Variants in MYOCOS observed in about 807,000 individuals in gnomAD.
MYOCOS encodes the protein myocilin opposite strand.
chr1:171,608,005 A>T (rs1652282102), intron 1 of MYOCOS, among the ~76,000 whole-genome samples: 1 of 152,238 alleles, frequency 6.6e-6, no homozygotes, highest in African/African-American at 2.4e-5. Flanking sequence ...GAGCCAAGTG[A>T]AAGGGGAAAC....
intron 2 of MYOCOS, among the ~76,000 whole-genome samples, chr1:171,616,710 G>A (rs1279783446): frequency 6.6e-6 from 1 of 152,186 alleles, no homozygotes; most frequent in African/African-American, 2.4e-5. Flanking sequence ...GAGTTCAGGA[G>A]AGAGATCTGG....
At chr1:171,625,212 T>C (rs1297040614) in intron 2 of MYOCOS, among the ~76,000 whole-genome samples, 2 of 152,180 alleles carry the variant, frequency 1.3e-5, no homozygotes, top group African/African-American at 4.8e-5. Context: ...GGAAGTGTGG[T>C]CCCTGTGCTC....
chr1:171,618,162 T>C (rs1652484522), upstream of MYOCOS, among the ~76,000 whole-genome samples: 1 of 152,154 alleles, frequency 6.6e-6, no homozygotes, highest in Admixed American at 6.5e-5. Context: ...TGTTTTCCAT[T>C]AGCCACATAC....
chr1:171,620,180 A>G (rs558074833), upstream of MYOCOS, among the ~76,000 whole-genome samples: 289 of 151,274 alleles, frequency 1.9e-3, no homozygotes, highest in African/African-American at 6.7e-3. Context: ...CCTTCATTCC[A>G]TTATATGAAG....
chr1:171,604,723 G>A (rs1398663768), intron 1 of MYOCOS, among the ~76,000 whole-genome samples: 1 of 152,150 alleles, frequency 6.6e-6, no homozygotes. Flanking sequence ...AAGTTACACA[G>A]CAGAAAATAA....
chr1:171,620,239 T>C (rs1386607132), upstream of MYOCOS, among the ~76,000 whole-genome samples: 15 of 151,882 alleles, frequency 9.9e-5, no homozygotes, highest in Non-Finnish European at 4.4e-5. Context: ...CTATCTAAGG[T>C]GTCTGGGGCA....
intron 1 of MYOCOS, among the ~76,000 whole-genome samples, chr1:171,602,369 T>C (rs1199955398): frequency 6.6e-6 from 1 of 152,090 alleles, no homozygotes; most frequent in African/African-American, 2.4e-5. Flanking sequence ...AGTAAAAAGA[T>C]TATAAAGGGG....
chr1:171,625,585 C>T (rs562766442), intron 2 of MYOCOS, among the ~76,000 whole-genome samples: 1 of 152,316 alleles, frequency 6.6e-6, no homozygotes, highest in Admixed American at 6.5e-5. Flanking sequence ...GTCCTATGCC[C>T]TTGAAGGCAA....
Position 171,605,394 on chromosome 1 carries a change from C to CAA in MYOCOS, c.-252+4326_-252+4327dup, listed in dbSNP as rs1553253256. On this transcript the variant is annotated intron_variant, in intron 1 of 3. Transcript: ENST00000636697. ...AGTACCACACACACACACACACACA[C>CAA]AAAAAAAAAAAAACAGTTACATGAT... 7.8e-3 allele frequency among the ~76,000 whole-genome samples: 997 copies of CAA among 127,484 alleles called. 15 individuals carry two copies. Among genetic ancestry groups the CAA allele is most frequent in the South Asian group, 0.012 (50 of 4,026 alleles). 83.6% of individuals were successfully genotyped at this position (127,484 alleles called of 152,430 possible).
intron 1 of MYOCOS, among the ~76,000 whole-genome samples, chr1:171,602,133 T>A (rs2901557): frequency 0.44 from 66,606 of 151,862 alleles, 15,371 homozygotes; most frequent in East Asian, 0.57. Context: ...TATGGTAAAT[T>A]CTTGTCCTGA....
chr1:171,619,194 A>G (rs1359462891), upstream of MYOCOS, among the ~76,000 whole-genome samples: 2 of 152,236 alleles, frequency 1.3e-5, no homozygotes, highest in Non-Finnish European at 2.9e-5. Context: ...ATCATAGCTC[A>G]TTACATCTTA....
rs890377378 is a variant in MYOCOS, at chr1:171,626,531, C to A, written c.173C>A (p.Pro58His). The A allele has an allele frequency of 2.5e-5, 10 of 398,574 alleles. No homozygotes were observed. Among genetic ancestry groups the A allele is most frequent in the South Asian group, 1.3e-4 (1 of 7,856 alleles). 24.7% of individuals were successfully genotyped at this position (398,574 alleles called of 1,614,324 possible). ...SHLDLEQAPP[P>H]HRTYLTVPPA... Reference sequence around the variant, plus strand: ...TTGGATTTGGAGCAAGCCCCTCCCCCTCACAGGACCTACCTCACAGTACCT... The same window carrying A: ...TTGGATTTGGAGCAAGCCCCTCCCCATCACAGGACCTACCTCACAGTACCT... Residue 58 changes from proline (P) to histidine (H), a missense_variant, in exon 3 of 3, where the codon CCT (proline) becomes CAT (histidine). Physicochemically the swap from Pro to His is moderately conservative, Grantham distance 77. Transcript: ENST00000637642.
At position 171,626,762 on chromosome 1, in the gene MYOCOS, G is replaced by A. The variant is rs1362884610; in HGVS notation, c.*161G>A. The A allele has an allele frequency of 1.8e-5, 7 of 395,214 alleles. No homozygotes were observed. The highest frequency in any genetic ancestry group is 6.3e-4 in the Middle Eastern group (1 of 1,596). 24.5% of individuals were successfully genotyped at this position (395,214 alleles called of 1,614,324 possible). On this transcript the variant is annotated 3_prime_UTR_variant, in exon 3 of 3. Coordinates refer to ENST00000637642, the MANE Select transcript of MYOCOS (RefSeq NM_001391940.1). ...AGAGCATGGTTTACCCTTGCTAATA[G>A]ACTTAGTCATTTTTGGTTTTTTAAT...
At chr1:171,616,141 C>A (rs1201823549) in intron 2 of MYOCOS, among the ~76,000 whole-genome samples, 1 of 152,106 alleles carries the variant, frequency 6.6e-6, no homozygotes, top group African/African-American at 2.4e-5. Flanking sequence ...CGCTTGAACC[C>A]CAGAGGCAGA....
At chr1:171,621,940 G>A (rs1210343703), upstream of MYOCOS, among the ~76,000 whole-genome samples, 6 of 152,148 alleles carry the variant, frequency 3.9e-5, no homozygotes, top group Admixed American at 2.6e-4. Context: ...AACTGCCCTA[G>A]AAGATACTAT....
rs144299821 is a variant in MYOCOS, at chr1:171,612,882, A to T, written c.-251-1916A>T. Among the ~76,000 whole-genome samples, 729 of 152,288 alleles carry T rather than the reference A, an allele frequency of 4.8e-3. 3 individuals carry two copies. The highest frequency in any genetic ancestry group is 7.8e-3 in the Non-Finnish European group (533 of 68,016). On this transcript the variant is annotated intron_variant, in intron 1 of 3. Transcript: ENST00000636697. ...AAAAACCTATTGTGGGAGTACTATCAATTTCCAAATATGTCCATTCCAATT... is the reference window on the plus strand; with the variant it reads ...AAAAACCTATTGTGGGAGTACTATCTATTTCCAAATATGTCCATTCCAATT...
chr1:171,607,492 C>G (rs901283980), intron 1 of MYOCOS, among the ~76,000 whole-genome samples: 1 of 152,186 alleles, frequency 6.6e-6, no homozygotes, highest in Non-Finnish European at 1.5e-5. Flanking sequence ...TGTAAGCCCT[C>G]TCACCATTTT....
At chr1:171,621,949 A>G (rs1652585238), upstream of MYOCOS, among the ~76,000 whole-genome samples, 1 of 152,190 alleles carries the variant, frequency 6.6e-6, no homozygotes, top group African/African-American at 2.4e-5. Context: ...AGAAGATACT[A>G]TTACTCCTCT....
At chr1:171,609,012 T>C (rs1652304888) in intron 1 of MYOCOS, among the ~76,000 whole-genome samples, 1 of 152,114 alleles carries the variant, frequency 6.6e-6, no homozygotes, top group African/African-American at 2.4e-5. Flanking sequence ...CTGGGAAACC[T>C]GAAGAAGATT....
Sources: allele counts gnomAD v4.1 joint callset (sites outside exome capture counted in the v4.1 genomes callset), GRCh38; gene constraint gnomAD v4.1.1; transcripts MANE v1.5; gene names NCBI Gene and HGNC (gene_info 2026-07-23, HGNC 2026-07-21).